The following NBAS variants were observed in gnomAD, a reference collection of about 807,000 sequenced individuals.
NBAS encodes NAG/BC035112 fusion.
Under a neutral mutation model 302.5 loss-of-function variants are expected in NBAS, and 219 were observed. The observed-to-expected ratio is 0.72, with a 90% CI of 0.65 to 0.81. The LOEUF is 0.81. NBAS is among the 30% of genes least tolerant of loss of function. The probability of loss-of-function intolerance (pLI) is 0.00; values close to 1 mark genes in which losing one functional copy is unlikely to be tolerated. For missense variants in NBAS, 2,932 were observed against 2,841.6 expected (o/e 1.03, Z -0.72); for synonymous variants, 1,118 against 1,021.6 (o/e 1.09, Z -1.80).
At chr2:15,144,065 A>ATATATATATATATATATATAT in the NBAS span, among the ~76,000 whole-genome samples, 17 of 121,662 alleles carry the variant, frequency 1.4e-4, 1 homozygote, top group African/African-American at 4.8e-4. Flanking sequence ...ATATATATAT[A>ATATATATATATATATATATAT]TATCTCCCAT....
chr2:15,041,935 G>A, the NBAS span, among the ~76,000 whole-genome samples: 2 of 152,196 alleles, frequency 1.3e-5, no homozygotes, highest in Admixed American at 6.5e-5. Flanking sequence ...ACGTTCCCAA[G>A]TAGGCTTTGG....
intron 21 of NBAS, among the ~76,000 whole-genome samples, chr2:15,431,712 C>T (rs913274673): frequency 4.6e-5 from 7 of 152,026 alleles, no homozygotes; most frequent in South Asian, 2.1e-4. Context: ...ACAGAATCTA[C>T]GGTCTGAGAG....
rs2148373123 is a variant in NBAS, at chr2:15,379,629, AG to A, written c.3562del (p.Leu1188SerfsTer8). 6.2e-7 allele frequency: 1 copy of A among 1,613,894 alleles called. No individual in the cohort carries two copies. Among genetic ancestry groups the A allele is most frequent in the East Asian group, 2.2e-5 (1 of 44,838 alleles). ...GGCTAGATCCATGCAGCTATCAGTG[AG>A]GTTGGTAGAAGAATTGAAGTACTCT... is the stretch of plus-strand genomic sequence containing the variant. ...SREYFNSSTN[L>X]TDSCMDLARC... On this transcript the variant is annotated frameshift_variant, in exon 30 of 52. Coordinates refer to ENST00000281513, the MANE Select transcript of NBAS (RefSeq NM_015909.4). LOFTEE classifies it high-confidence loss of function.
At chr2:15,146,755 G>A in the NBAS span, among the ~76,000 whole-genome samples, 1 of 152,096 alleles carries the variant, frequency 6.6e-6, no homozygotes, top group African/African-American at 2.4e-5. Flanking sequence ...CTATCCCCGT[G>A]GGCCAGGCTC....
At chr2:15,166,829 A>G (rs527595782), downstream of NBAS, 1 of 498,206 alleles carries the variant, frequency 2.0e-6, no homozygotes, top group South Asian at 6.4e-5. Flanking sequence ...GAGGGTGGGA[A>G]GGAAGAGTCT....
chr2:15,040,060 C>T, the NBAS span, among the ~76,000 whole-genome samples: 1 of 152,178 alleles, frequency 6.6e-6, no homozygotes, highest in African/African-American at 2.4e-5. Flanking sequence ...AGGATGGAAT[C>T]GAGAAGGCTG....
At chr2:15,126,059 G>A in the NBAS span, among the ~76,000 whole-genome samples, 1 of 152,158 alleles carries the variant, frequency 6.6e-6, no homozygotes, top group Non-Finnish European at 1.5e-5. Context: ...CCTGGTGGGA[G>A]GTGTTTTGGA....
intron 6 of NBAS, among the ~76,000 whole-genome samples, chr2:15,545,694 T>C (rs971018038): frequency 6.6e-6 from 1 of 152,220 alleles, no homozygotes; most frequent in Non-Finnish European, 1.5e-5. Context: ...CAAGTTTCAC[T>C]GGTGAATTCC....
chr2:15,384,252 C>T (rs1291178185), intron 28 of NBAS, among the ~76,000 whole-genome samples: 3 of 152,080 alleles, frequency 2.0e-5, no homozygotes, highest in African/African-American at 7.2e-5. Flanking sequence ...GGTTTTGTTC[C>T]CAAATTCACC....
intron 48 of NBAS, among the ~76,000 whole-genome samples, chr2:15,212,206 C>T (rs1259507010): frequency 1.3e-5 from 2 of 152,144 alleles, no homozygotes; most frequent in South Asian, 2.1e-4. Flanking sequence ...AAGACCACTG[C>T]TTTTGTCTTC....
intron 44 of NBAS, among the ~76,000 whole-genome samples, chr2:15,256,547 CTT>C (rs1473649100): frequency 1.3e-5 from 2 of 151,922 alleles, no homozygotes; most frequent in East Asian, 1.9e-4. Flanking sequence ...ATTTTTTTCT[CTT>C]GTCTGACTGC....
At chr2:15,458,977 T>C (rs1252126417) in intron 21 of NBAS, among the ~76,000 whole-genome samples, 1 of 152,234 alleles carries the variant, frequency 6.6e-6, no homozygotes, top group African/African-American at 2.4e-5. Context: ...CTTTTAATTA[T>C]ACTCTGCTGC....
chr2:15,315,119 A>C (rs574003090), intron 38 of NBAS, among the ~76,000 whole-genome samples: 1 of 152,354 alleles, frequency 6.6e-6, no homozygotes, highest in Non-Finnish European at 1.5e-5. Context: ...AATCTGTACA[A>C]TCATACAACT....
At position 15,534,559 on chromosome 2, in the gene NBAS, A is replaced by G; in HGVS notation, c.730T>C (p.Tyr244His). 6.2e-7 allele frequency: 1 copy of G among 1,609,718 alleles called. No individual in the cohort carries two copies. The highest frequency in any genetic ancestry group is 2.2e-5 in the East Asian group (1 of 44,844). ...HYPHGINTAI[Y>H]HPGHRLLLVG... The stretch of plus-strand genomic sequence containing the variant: ...GTTACTTACCTGTGACCAGGGTGGT[A>G]AATAGCTGTGTTGATTCCATGAGGA... The change falls in exon 9 of 52, where the codon TAC becomes CAC. Residue 244 changes from tyrosine to histidine, a missense_variant. By Grantham distance (83) the Tyr-to-His change is moderately conservative. Coordinates refer to ENST00000281513, the MANE Select transcript of NBAS (RefSeq NM_015909.4).
the NBAS span, among the ~76,000 whole-genome samples, chr2:14,823,724 A>G: frequency 6.6e-6 from 1 of 152,244 alleles, no homozygotes; most frequent in Admixed American, 6.5e-5. Flanking sequence ...TACTGGAATA[A>G]AAGTTGCTTT....
At chr2:15,298,815 A>T (rs1161920253) in intron 40 of NBAS, among the ~76,000 whole-genome samples, 1 of 152,150 alleles carries the variant, frequency 6.6e-6, no homozygotes, top group African/African-American at 2.4e-5. Flanking sequence ...TGACCCTCCT[A>T]TCAAGCTGGG....
intron 44 of NBAS, among the ~76,000 whole-genome samples, chr2:15,275,070 G>A (rs1364194419): frequency 3.3e-5 from 5 of 151,756 alleles, no homozygotes; most frequent in African/African-American, 1.2e-4. Context: ...GGCTTGAGCC[G>A]CTATGCCCGG....
At chr2:15,328,166 T>C (rs1672161845) in intron 37 of NBAS, 33 bp downstream of exon 37, 1 of 1,586,520 alleles carries the variant, frequency 6.3e-7, no homozygotes, top group Admixed American at 1.7e-5. Context: ...AGCATGACAG[T>C]TAAATCTATC....
chr2:15,257,398 TTC>T (rs1491550878), intron 44 of NBAS, among the ~76,000 whole-genome samples: 1 of 141,188 alleles, frequency 7.1e-6, no homozygotes, highest in Non-Finnish European at 1.6e-5. Context: ...CCCATTTAAT[TTC>T]TTTTTTTTTT....
Sources: allele counts gnomAD v4.1 joint callset (sites outside exome capture counted in the v4.1 genomes callset), GRCh38; gene constraint gnomAD v4.1.1; transcripts MANE v1.5; gene names NCBI Gene and HGNC (gene_info 2026-07-23, HGNC 2026-07-21).